Variants in IGSF10 observed in about 807,000 individuals in gnomAD.
IGSF10 encodes calvaria mechanical force protein 608.
A neutral mutation model predicts 128.2 loss-of-function variants in IGSF10; 126 were observed. The observed-to-expected ratio is 0.98, with a 90% CI of 0.85 to 1.14. The LOEUF is 1.14. Ranked by LOEUF, IGSF10 falls within the 50% of genes most tolerant of loss-of-function variation. The pLI is 0.00. For missense variants in IGSF10, 3,295 were observed against 3,149.8 expected (o/e 1.05, Z -1.10); for synonymous variants, 1,185 against 1,146.2 (o/e 1.03, Z -0.68).
chr3:151,521,720 A>C, the IGSF10 span, among the ~76,000 whole-genome samples: 2 of 152,118 alleles, frequency 1.3e-5, no homozygotes, highest in Non-Finnish European at 1.5e-5. Flanking sequence ...CAGTGTTAAA[A>C]GGGAAATTCA....
chr3:151,432,699 CTG>C, downstream of IGSF10: 1 of 1,333,262 alleles, frequency 7.5e-7, no homozygotes, highest in South Asian at 1.2e-5. Context: ...TAGCATCCAT[CTG>C]TGCAATAGTT....
the IGSF10 span, among the ~76,000 whole-genome samples, chr3:151,609,098 T>C: frequency 7.9e-5 from 12 of 152,176 alleles, no homozygotes; most frequent in Middle Eastern, 3.4e-3. Context: ...GAAGAAGATA[T>C]TTGAGCTGAG....
chr3:151,599,027 G>C, the IGSF10 span, among the ~76,000 whole-genome samples: 1 of 152,182 alleles, frequency 6.6e-6, no homozygotes, highest in South Asian at 2.1e-4. Flanking sequence ...GAAGTGCTGA[G>C]AGAAGTGGTG....
the IGSF10 span, among the ~76,000 whole-genome samples, chr3:151,502,327 T>C: frequency 2.0e-5 from 3 of 152,148 alleles, no homozygotes; most frequent in East Asian, 5.8e-4. Flanking sequence ...ACAGTAAAAA[T>C]CTTAATGTTC....
At chr3:151,608,231 G>C in the IGSF10 span, among the ~76,000 whole-genome samples, 7 of 152,152 alleles carry the variant, frequency 4.6e-5, no homozygotes, top group Non-Finnish European at 1.0e-4. Flanking sequence ...ATTAAAAATG[G>C]TTTGAATAAA....
the IGSF10 span, among the ~76,000 whole-genome samples, chr3:151,616,093 T>G: frequency 6.6e-6 from 1 of 151,522 alleles, no homozygotes; most frequent in Non-Finnish European, 1.5e-5. Flanking sequence ...GCCTCCCAAG[T>G]AGCTGGGATT....
chr3:151,566,116 A>T, the IGSF10 span: 511 of 152,798 alleles, frequency 3.3e-3, 1 homozygote, highest in African/African-American at 0.012. Context: ...GCTACATGTC[A>T]TGAGAACTCC....
At chr3:151,530,550 G>A in the IGSF10 span, among the ~76,000 whole-genome samples, 3 of 152,140 alleles carry the variant, frequency 2.0e-5, no homozygotes, top group African/African-American at 7.2e-5. Flanking sequence ...TGGGGGGCAG[G>A]GGGCAATATT....
chr3:151,528,663 A>T, the IGSF10 span, among the ~76,000 whole-genome samples: 1 of 152,138 alleles, frequency 6.6e-6, no homozygotes, highest in Non-Finnish European at 1.5e-5. Context: ...GAGGAATGGT[A>T]CCCAGATATA....
chr3:151,465,367 G>T (rs952792852), upstream of IGSF10, among the ~76,000 whole-genome samples: 2 of 152,162 alleles, frequency 1.3e-5, no homozygotes, highest in Admixed American at 6.5e-5. Flanking sequence ...AGAAATAGGT[G>T]CCTGAAGAGC....
the IGSF10 span, among the ~76,000 whole-genome samples, chr3:151,534,219 G>C: frequency 6.6e-6 from 1 of 152,224 alleles, no homozygotes; most frequent in African/African-American, 2.4e-5. Context: ...GTGTAAATTA[G>C]TTCAACCATT....
At chr3:151,453,047 G>C (rs560304329) in intron 5 of IGSF10, among the ~76,000 whole-genome samples, 1 of 152,194 alleles carries the variant, frequency 6.6e-6, no homozygotes, top group East Asian at 1.9e-4. Context: ...AGGAGGGAAA[G>C]GAGGCTGAGG....
chr3:151,485,250 A>G, the IGSF10 span, among the ~76,000 whole-genome samples: 4 of 152,138 alleles, frequency 2.6e-5, no homozygotes, highest in African/African-American at 9.7e-5. Context: ...CATGATTAAA[A>G]AAAAAAGAGT....
chr3:151,467,893 GA>G, the IGSF10 span, among the ~76,000 whole-genome samples: 1 of 145,828 alleles, frequency 6.9e-6, no homozygotes. Flanking sequence ...AAAAAAAAAA[GA>G]AAAAAGAAAA....
chr3:151,440,007 C>T (rs1444305665), intron 7 of IGSF10, among the ~76,000 whole-genome samples: 1 of 151,990 alleles, frequency 6.6e-6, no homozygotes, highest in East Asian at 1.9e-4. Context: ...AGCCTCAAGT[C>T]ATTTCTCTCT....
At chr3:151,516,678 G>A in the IGSF10 span, among the ~76,000 whole-genome samples, 1 of 150,714 alleles carries the variant, frequency 6.6e-6, no homozygotes, top group Non-Finnish European at 1.5e-5. Flanking sequence ...CAGAACATTG[G>A]TCCACTCCTC....
At chr3:151,558,637 C>T in the IGSF10 span, among the ~76,000 whole-genome samples, 1 of 151,988 alleles carries the variant, frequency 6.6e-6, no homozygotes, top group African/African-American at 2.4e-5. Context: ...CCTCAGCCTC[C>T]CGAGTAGCTG....
At position 151,436,816 on chromosome 3, in the gene IGSF10, T is replaced by G. The variant is rs750530398; in HGVS notation, c.7745A>C (p.Glu2582Ala). 1 of 1,614,184 alleles carries G rather than the reference T, an allele frequency of 6.2e-7. No individual in the cohort carries two copies. Among genetic ancestry groups the G allele is most frequent in the Non-Finnish European group, 8.5e-7 (1 of 1,180,028 alleles). ...TAGGGTACCTTGTAAGTGAAGCTGC[T>G]CACTTCCATGTGTCCTCTCTTTACT... ...TASKERTHGS[E>A]QLHLQGTLVI... Residue 2582 changes from glutamate (E) to alanine (A), a missense_variant, in exon 8 of 8, where the codon GAG becomes GCG. Glu to Ala is a moderately radical substitution (Grantham distance 107). Coordinates refer to ENST00000282466, the MANE Select transcript of IGSF10 (RefSeq NM_178822.5).
chr3:151,484,316 TAAAAA>T, the IGSF10 span, among the ~76,000 whole-genome samples: 1 of 152,074 alleles, frequency 6.6e-6, no homozygotes, highest in Non-Finnish European at 1.5e-5. Flanking sequence ...GACTTATAGA[TAAAAA>T]CCCCCACCTC....
Sources: gnomAD v4.1 joint callset for allele counts (sites outside exome capture counted in the v4.1 genomes callset) on GRCh38, gnomAD v4.1.1 for gene constraint, MANE v1.5 for transcripts, NCBI Gene and HGNC (gene_info 2026-07-23, HGNC 2026-07-21) for gene names.